Variants in HERC4 observed in about 807,000 individuals in gnomAD.
HERC4 encodes the protein HECT and RLD domain containing E3 ubiquitin protein ligase 4.
HERC4 carries 28 observed loss-of-function variants against 124.3 expected under a neutral mutation model. That is an observed-to-expected ratio of 0.23 (90% CI 0.17 to 0.31). HERC4 has a LOEUF of 0.31. Ranked by LOEUF, HERC4 falls within the 10% of genes least tolerant of loss-of-function variation. The pLI, the probability that HERC4 is intolerant of heterozygous loss-of-function variation, is 1.00. For missense variants in HERC4, 713 were observed against 1,229.3 expected (o/e 0.58, Z 6.28); for synonymous variants, 407 against 421.5 (o/e 0.97, Z 0.42).
At chr10:68,061,785 G>A (rs2041030404) in intron 3 of HERC4, among the ~76,000 whole-genome samples, 1 of 146,816 alleles carries the variant, frequency 6.8e-6, no homozygotes, top group Admixed American at 7.0e-5. Flanking sequence ...AAAGGCTGAA[G>A]CAGGAGAATC....
intron 11 of HERC4, among the ~76,000 whole-genome samples, chr10:67,991,499 GTTTT>G (rs2036550237): frequency 6.6e-6 from 1 of 152,038 alleles, no homozygotes; most frequent in African/African-American, 2.4e-5. Context: ...CATGTAAAAA[GTTTT>G]TTAATTTAAA....
chr10:68,038,559 T>C (rs1180986829), intron 4 of HERC4, among the ~76,000 whole-genome samples: 3 of 152,242 alleles, frequency 2.0e-5, no homozygotes, highest in African/African-American at 7.2e-5. Flanking sequence ...CATTATCTAA[T>C]TTGTCTAAAA....
intron 9 of HERC4, among the ~76,000 whole-genome samples, chr10:67,998,411 G>A (rs1056802726): frequency 6.6e-6 from 1 of 151,500 alleles, no homozygotes; most frequent in African/African-American, 2.4e-5. Context: ...AGCTGGGTGT[G>A]GTAGCACTGC....
intron 8 of HERC4, among the ~76,000 whole-genome samples, chr10:68,017,058 A>T (rs2038313664): frequency 6.6e-6 from 1 of 152,108 alleles, no homozygotes; most frequent in Non-Finnish European, 1.5e-5. Flanking sequence ...TATATTCCCC[A>T]TACCTTAACT....
chr10:68,069,122 T>C (rs539918352), intron 3 of HERC4: 9 of 973,296 alleles, frequency 9.2e-6, no homozygotes, highest in African/African-American at 8.8e-5. Flanking sequence ...CACCAAATTA[T>C]ACCTATGATT....
chr10:67,952,311 G>T (rs910457673), intron 19 of HERC4, among the ~76,000 whole-genome samples: 1 of 152,078 alleles, frequency 6.6e-6, no homozygotes, highest in Non-Finnish European at 1.5e-5. Context: ...ACTAAAGAGA[G>T]TCTCGTTTTG....
intron 19 of HERC4, among the ~76,000 whole-genome samples, chr10:67,941,684 T>C (rs1402550200): frequency 6.9e-6 from 1 of 144,830 alleles, no homozygotes; most frequent in Non-Finnish European, 1.5e-5. Flanking sequence ...TTTTTTTTTT[T>C]TTTTTTTTTT....
At chr10:67,962,825 A>G (rs2132402247) in intron 16 of HERC4, among the ~76,000 whole-genome samples, 1 of 152,332 alleles carries the variant, frequency 6.6e-6, no homozygotes, top group East Asian at 1.9e-4. Flanking sequence ...GAACAGAGTT[A>G]TTAGACACGT....
At chr10:68,016,989 C>T (rs889354278) in intron 8 of HERC4, among the ~76,000 whole-genome samples, 2 of 152,048 alleles carry the variant, frequency 1.3e-5, no homozygotes, top group Non-Finnish European at 1.5e-5. Context: ...AAATTCACCA[C>T]CCTGTAGTAT....
At chr10:67,939,892 G>A (rs2032723555) in intron 20 of HERC4, among the ~76,000 whole-genome samples, 1 of 151,994 alleles carries the variant, frequency 6.6e-6, no homozygotes, top group Non-Finnish European at 1.5e-5. Context: ...CAAAGGCCAT[G>A]TATCCAACTA....
At chr10:68,023,101 A>G (rs2038727119) in intron 8 of HERC4, among the ~76,000 whole-genome samples, 1 of 152,174 alleles carries the variant, frequency 6.6e-6, no homozygotes, top group South Asian at 2.1e-4. Context: ...GAAATATAAA[A>G]CAGGGCAGTT....
intron 12 of HERC4, 26 bp from the exon 13 acceptor site, chr10:67,991,041 AAT>A (rs770370521): frequency 4.2e-5 from 58 of 1,370,458 alleles, no homozygotes; most frequent in Non-Finnish European, 5.1e-5. Flanking sequence ...GAAAAAAAAA[AAT>A]AGAATAAAAA....
chr10:68,046,368 T>C (rs1458324097), intron 3 of HERC4, among the ~76,000 whole-genome samples: 1 of 152,168 alleles, frequency 6.6e-6, no homozygotes, highest in South Asian at 2.1e-4. Flanking sequence ...TAGCATCAGC[T>C]ATAAAGATAG....
intron 15 of HERC4, among the ~76,000 whole-genome samples, chr10:67,983,352 A>G (rs2036050586): frequency 6.6e-6 from 1 of 152,210 alleles, no homozygotes; most frequent in Non-Finnish European, 1.5e-5. Context: ...CACATGATCT[A>G]GCAATCCCAC....
chr10:68,053,765 G>A (rs2040424362), intron 3 of HERC4, among the ~76,000 whole-genome samples: 1 of 152,116 alleles, frequency 6.6e-6, no homozygotes, highest in Non-Finnish European at 1.5e-5. Context: ...TCAAGTATTT[G>A]GCAGTTCTGT....
intron 2 of HERC4, 132 bp from the exon 3 acceptor site, chr10:68,073,318 C>T: frequency 2.2e-6 from 1 of 463,512 alleles, no homozygotes; most frequent in East Asian, 3.5e-5. Flanking sequence ...ACATAAGTAT[C>T]ATTCAGTTTC....
intron 16 of HERC4, among the ~76,000 whole-genome samples, chr10:67,962,493 T>C (rs1478602809): frequency 6.6e-6 from 1 of 151,988 alleles, no homozygotes. Context: ...CACTAAAAAT[T>C]GGGACAGAAA....
At chr10:67,926,133 G>A (rs936446157) in intron 23 of HERC4, among the ~76,000 whole-genome samples, 3 of 152,144 alleles carry the variant, frequency 2.0e-5, no homozygotes, top group South Asian at 2.1e-4. Flanking sequence ...GGTGGCTCAC[G>A]CCTATAATCC....
At chr10:67,996,854 G>A (rs548057294) in intron 9 of HERC4, among the ~76,000 whole-genome samples, 2 of 152,024 alleles carry the variant, frequency 1.3e-5, no homozygotes, top group South Asian at 2.1e-4. Context: ...TGGGCGTGGC[G>A]GCAGGTGCCT....
Sources: allele counts gnomAD v4.1 joint callset (sites outside exome capture counted in the v4.1 genomes callset), GRCh38; gene constraint gnomAD v4.1.1; transcripts MANE v1.5; gene names NCBI Gene and HGNC (gene_info 2026-07-23, HGNC 2026-07-21).